Variants in KLKB1 observed in about 807,000 individuals in gnomAD.
The protein encoded by KLKB1 is kallikrein B1, also known as plasma kallikrein.
Under a neutral mutation model 73.6 loss-of-function variants are expected in KLKB1, and 58 were observed. The observed-to-expected ratio is 0.79, with a 90% CI of 0.64 to 0.98. The LOEUF is 0.98. KLKB1 is among the 50% of genes least tolerant of loss of function. The pLI is 0.00. For missense variants in KLKB1, 737 were observed against 763.8 expected, an observed-to-expected ratio of 0.96 and a Z score of 0.41; for synonymous variants, 280 against 258.1, an observed-to-expected ratio of 1.08 and a Z score of -0.81.
In KLKB1 at chr4:186,251,275, A is replaced by C. The variant is rs1738658828; in HGVS notation, c.815A>C (p.Gln272Pro). ...ESGTPSSSTP[Q>P]ENTISGYSLL... Reference sequence around the variant, plus strand: ...GGCACACCAAGTTCCTCTACTCCTCAAGAAAACACCATATCTGGATATAGC... The same window carrying C: ...GGCACACCAAGTTCCTCTACTCCTCCAGAAAACACCATATCTGGATATAGC... Residue 272 changes from glutamine (Q) to proline (P), a missense_variant, in exon 8 of 15, where the codon CAA (glutamine) becomes CCA (proline). Gln to Pro is a moderately conservative substitution (Grantham distance 76). Transcript: ENST00000264690. The C allele has an allele frequency of 6.2e-7, 1 of 1,612,542 alleles. No individual in the cohort carries two copies. The highest frequency in any genetic ancestry group is 2.2e-5 in the East Asian group (1 of 44,844).
chr4:186,244,615 A>G (rs1267842797), intron 6 of KLKB1, among the ~76,000 whole-genome samples: 2 of 152,140 alleles, frequency 1.3e-5, no homozygotes, highest in African/African-American at 2.4e-5. Flanking sequence ...GAACAGAATA[A>G]TGGGTTGTGG....
At chr4:186,251,686 G>T in intron 9 of KLKB1, 37 bp downstream of exon 9, 1 of 1,608,616 alleles carries the variant, frequency 6.2e-7, no homozygotes, top group South Asian at 1.1e-5. Flanking sequence ...CAGTTGACAT[G>T]ACCATTTCAT....
At chr4:186,241,442 T>A (rs558301570) in intron 6 of KLKB1, among the ~76,000 whole-genome samples, 1 of 152,310 alleles carries the variant, frequency 6.6e-6, no homozygotes, top group East Asian at 1.9e-4. Flanking sequence ...ATGGATTTAA[T>A]GGTGTTTTAA....
chr4:186,231,081 G>C (rs1426800173), intron 2 of KLKB1, among the ~76,000 whole-genome samples: 1 of 152,162 alleles, frequency 6.6e-6, no homozygotes, highest in Middle Eastern at 3.2e-3. Flanking sequence ...CAAATCCCCA[G>C]GGGGTAGGAT....
intron 11 of KLKB1, among the ~76,000 whole-genome samples, chr4:186,253,760 A>G (rs988772761): frequency 2.0e-5 from 3 of 152,078 alleles, no homozygotes; most frequent in African/African-American, 7.2e-5. Context: ...TACTTAGTAT[A>G]CATTCATCTT....
intron 4 of KLKB1, among the ~76,000 whole-genome samples, chr4:186,234,698 C>G (rs1737564935): frequency 6.6e-6 from 1 of 152,130 alleles, no homozygotes; most frequent in Admixed American, 6.5e-5. Context: ...ATAATACTTC[C>G]TAAAGGAAAC....
At chr4:186,239,852 A>T (rs545398502) in intron 6 of KLKB1, among the ~76,000 whole-genome samples, 43 of 150,180 alleles carry the variant, frequency 2.9e-4, no homozygotes, top group African/African-American at 1.0e-3. Context: ...TAGGACAGTG[A>T]TATAGGACAG....
At chr4:186,213,972 C>G (rs938055898) in intron 2 of KLKB1, among the ~76,000 whole-genome samples, 2 of 152,090 alleles carry the variant, frequency 1.3e-5, no homozygotes, top group Non-Finnish European at 2.9e-5. Flanking sequence ...TTTTCCTTCC[C>G]CAGCATACAC....
chr4:186,245,812 G>GTTT lies in KLKB1; in HGVS notation c.599-4430_599-4428dup, dbSNP rs796424735. Among the ~76,000 whole-genome samples the GTTT allele has an allele frequency of 6.3e-4, 56 of 88,722 alleles. 2 individuals carry two copies. The highest frequency in any genetic ancestry group is 2.4e-3 in the African/African-American group (52 of 21,664). 58.2% of individuals were successfully genotyped at this position (88,722 alleles called of 152,430 possible). A position where few individuals can be genotyped will look rare whatever the true frequency, so the allele number is the denominator to read the frequency against. ...AATCTAATTTTTGGAGTTTTTTTTTGTTTGTTTTTTGGTTTTTTTTTTTTA... is the reference window on the plus strand; with the variant it reads ...AATCTAATTTTTGGAGTTTTTTTTTGTTTTTTGTTTTTTGGTTTTTTTTTTTTA... On this transcript the variant is annotated intron_variant, in intron 6 of 14. Transcript: ENST00000264690.
intron 12 of KLKB1, among the ~76,000 whole-genome samples, chr4:186,255,559 A>G (rs562902547): frequency 6.6e-6 from 1 of 152,316 alleles, no homozygotes; most frequent in South Asian, 2.1e-4. Flanking sequence ...ACCTCGGGCA[A>G]GTTGCTTTAC....
At chr4:186,234,519 G>C (rs1446017151) in intron 4 of KLKB1, among the ~76,000 whole-genome samples, 1 of 152,180 alleles carries the variant, frequency 6.6e-6, no homozygotes, top group Non-Finnish European at 1.5e-5. Flanking sequence ...CATTTACTAA[G>C]TAGAGGCCAG....
chr4:186,220,767 A>G (rs1024984651), intron 2 of KLKB1, among the ~76,000 whole-genome samples: 1 of 152,108 alleles, frequency 6.6e-6, no homozygotes, highest in African/African-American at 2.4e-5. Context: ...CTATAATTTT[A>G]ATTTTATTTT....
At position 186,236,819 on chromosome 4, in the gene KLKB1, G is replaced by T. The variant is rs121964952; in HGVS notation, c.367G>T (p.Gly123Ter). Residue 123 changes from glycine (G) to a stop codon, truncating the protein, a stop_gained, in exon 5 of 15, where the codon GGA becomes TGA. Transcript: ENST00000264690. LOFTEE classifies it high-confidence loss of function. ...CATTTATAAAGGAGTTGATATGAGA[G>T]GAGTCAATTTTAATGTGTCTAAGGT... ...RDIYKGVDMR[G>*]VNFNVSKVSS... is the part of the protein sequence containing the mutation. The T allele has an allele frequency of 6.2e-7, 1 of 1,613,914 alleles. No homozygotes were observed. The highest frequency in any genetic ancestry group is 8.5e-7 in the Non-Finnish European group (1 of 1,179,934).
intron 11 of KLKB1, among the ~76,000 whole-genome samples, chr4:186,253,921 T>C (rs1738843083): frequency 6.6e-6 from 1 of 152,150 alleles, no homozygotes; most frequent in Non-Finnish European, 1.5e-5. Context: ...CTGCAGCCTC[T>C]GCCTCCCGGG....
Position 186,236,913 on chromosome 4 carries a change from C to T in KLKB1, c.461C>T (p.Thr154Met), listed in dbSNP as rs373868869. The T allele has an allele frequency of 2.1e-5, 34 of 1,613,774 alleles. No homozygotes were observed. The highest frequency in any genetic ancestry group is 1.6e-4 in the Middle Eastern group (1 of 6,084). ...NIRCQFFSYATQTFHKAEYRN... is the reference protein window; with the variant it reads ...NIRCQFFSYAMQTFHKAEYRN... ...CGCTGCCAGTTTTTTTCATATGCCACGCAAACATTTCACAAGGCAGAGTAC... is the reference window on the plus strand; with the variant it reads ...CGCTGCCAGTTTTTTTCATATGCCATGCAAACATTTCACAAGGCAGAGTAC... The change falls in exon 5 of 15, where the codon ACG (threonine) becomes ATG (methionine). Residue 154 changes from threonine (T) to methionine (M), a missense_variant. By Grantham distance (81) the Thr-to-Met change is moderately conservative (BLOSUM62 -1). Transcript: ENST00000264690.
intron 5 of KLKB1, 133 bp downstream of exon 5, chr4:186,237,073 A>T: frequency 1.4e-6 from 1 of 724,672 alleles, no homozygotes; most frequent in South Asian, 2.0e-5. Flanking sequence ...TCATTTACTT[A>T]CTCTATTTTA....
At chr4:186,225,070 TAA>T (rs1176773219), upstream of KLKB1, among the ~76,000 whole-genome samples, 1 of 152,238 alleles carries the variant, frequency 6.6e-6, no homozygotes. Flanking sequence ...ATCGTGATTA[TAA>T]GTTTCCTGAG....
intron 11 of KLKB1, 131 bp from the exon 12 acceptor site, chr4:186,254,457 G>T: frequency 1.3e-6 from 1 of 778,492 alleles, no homozygotes. Flanking sequence ...ACCAGAAGGA[G>T]GAATTAGGTA....
intron 11 of KLKB1, among the ~76,000 whole-genome samples, chr4:186,253,820 T>C (rs1420442631): frequency 1.4e-5 from 2 of 144,662 alleles, no homozygotes; most frequent in African/African-American, 2.9e-5. Context: ...AGATATATTT[T>C]ATTTTATTTA....
Sources: allele counts gnomAD v4.1 joint callset (sites outside exome capture counted in the v4.1 genomes callset), GRCh38; gene constraint gnomAD v4.1.1; transcripts MANE v1.5; gene names NCBI Gene and HGNC (gene_info 2026-07-23, HGNC 2026-07-21).